The following ADGRG4 variants were observed in gnomAD, a reference collection of about 807,000 sequenced individuals.
The protein encoded by ADGRG4 is adhesion G protein-coupled receptor G4, also known as G protein-coupled receptor 112.
A neutral mutation model predicts 126.2 loss-of-function variants in ADGRG4; 122 were observed. That is an observed-to-expected ratio of 0.97 (90% CI 0.83 to 1.12). The LOEUF (loss-of-function observed/expected upper bound fraction) is 1.12. Among genes scored for constraint, ADGRG4 ranks in the 50% most tolerant of loss-of-function variants. The pLI is 0.00. For missense variants in ADGRG4, 2,481 were observed against 2,251.8 expected (o/e 1.10, Z -2.06); for synonymous variants, 943 against 838.7 (o/e 1.12, Z -2.15).
At position 136,399,914 on chromosome X, in the gene ADGRG4, C is replaced by T; in HGVS notation, c.8373C>T (p.Asn2791=). ...INLCTALLML[N]LVFLINSWLS... is the part of the protein sequence containing the mutation. ...TGTGCACAGCACTACTGATGCTAAA[C>T]CTGGTATTTTTGATCAATTCTTGGT... is the stretch of plus-strand genomic sequence containing the variant. Residue 2791 remains asparagine (N), a synonymous_variant, in exon 21 of 26, where the codon AAC becomes AAT. Transcript: ENST00000394143. 3.3e-6 allele frequency: 4 copies of T among 1,209,318 alleles called. No individual in the cohort carries two copies. The highest frequency in any genetic ancestry group is 4.5e-6 in the Non-Finnish European group (4 of 893,494).
intron 7 of ADGRG4, among the ~76,000 whole-genome samples, chrX:136,352,922 T>C (rs1171316173): frequency 2.7e-5 from 3 of 112,115 alleles, no homozygotes; most frequent in Non-Finnish European, 5.6e-5. Flanking sequence ...AGTTGGTTTC[T>C]GGTGAGGCCT....
Position 136,323,274 on chromosome X carries a change from C to T in ADGRG4, c.567C>T (p.Asp189=). The change falls in exon 5 of 26, where the codon GAC becomes GAT. Residue 189 remains aspartate (D), a synonymous_variant. Transcript: ENST00000394143. ...PGSLYYFQLW[D]HILENEEFMK... Reference sequence around the variant, plus strand: ...GCTTGTACTACTTTCAACTCTGGGACCACATCCTGGAAAACGAAGAGTTTA... The same window carrying T: ...GCTTGTACTACTTTCAACTCTGGGATCACATCCTGGAAAACGAAGAGTTTA... 1 of 1,208,874 alleles carries T rather than the reference C, an allele frequency of 8.3e-7. No individual in the cohort carries two copies. Among genetic ancestry groups the T allele is most frequent in the Non-Finnish European group, 1.1e-6 (1 of 894,813 alleles).
chrX:136,326,743 G>C (rs151127254), intron 5 of ADGRG4, among the ~76,000 whole-genome samples: 304 of 111,241 alleles, frequency 2.7e-3, no homozygotes, highest in African/African-American at 8.9e-3. Flanking sequence ...GAATAAATAT[G>C]AGTGATTACA....
chrX:136,404,795 C>A (rs2075396276), intron 22 of ADGRG4, among the ~76,000 whole-genome samples: 1 of 111,836 alleles, frequency 8.9e-6, no homozygotes, highest in African/African-American at 3.3e-5. Flanking sequence ...GTGTCAGAAT[C>A]TATTAGGAAA....
chrX:136,324,769 CACA>C (rs1380038988), intron 5 of ADGRG4, among the ~76,000 whole-genome samples: 1 of 112,033 alleles, frequency 8.9e-6, no homozygotes, highest in Non-Finnish European at 1.9e-5. Flanking sequence ...TACTCTCTGG[CACA>C]ACAAGATGTT....
intron 5 of ADGRG4, among the ~76,000 whole-genome samples, chrX:136,342,657 T>C (rs1422345860): frequency 9.1e-6 from 1 of 109,847 alleles, no homozygotes; most frequent in Non-Finnish European, 1.9e-5. Context: ...AAGTACATTC[T>C]AAGTAGAGGT....
intron 13 of ADGRG4, among the ~76,000 whole-genome samples, chrX:136,367,795 T>C (rs1280114492): frequency 1.8e-5 from 2 of 112,467 alleles, no homozygotes; most frequent in Non-Finnish European, 3.7e-5. Context: ...AAGCATTAGA[T>C]ATCTTGGTTG....
At chrX:136,362,649 T>G (rs1355453468) in intron 12 of ADGRG4, among the ~76,000 whole-genome samples, 1 of 111,422 alleles carries the variant, frequency 9.0e-6, no homozygotes, top group African/African-American at 3.3e-5. Flanking sequence ...TTTGCTGTTC[T>G]GGGCTCAATG....
intron 24 of ADGRG4, among the ~76,000 whole-genome samples, chrX:136,413,689 T>C (rs1482077076): frequency 9.0e-6 from 1 of 111,348 alleles, no homozygotes; most frequent in Non-Finnish European, 1.9e-5. Flanking sequence ...CTCCTTCAGG[T>C]ACCCGGAATG....
chrX:136,399,811 C>A (rs777131839), intron 20 of ADGRG4, 37 bp from the exon 21 acceptor site: 75 of 1,023,816 alleles, frequency 7.3e-5, no homozygotes, highest in African/African-American at 2.8e-4. Flanking sequence ...AAAAAAAAAA[C>A]AGACTTTACC....
Position 136,342,923 on chromosome X carries a change from A to T in ADGRG4, c.686-1469A>T, listed in dbSNP as rs200822756. Among the ~76,000 whole-genome samples, 514 of 93,623 alleles carry T rather than the reference A, an allele frequency of 5.5e-3. 2 individuals carry two copies. The highest frequency in any genetic ancestry group is 0.013 in the African/African-American group (311 of 23,877). 81.3% of individuals were successfully genotyped at this position (93,623 alleles called of 115,157 possible). A position where few individuals can be genotyped will look rare whatever the true frequency, so the allele number is the denominator to read the frequency against. The stretch of plus-strand genomic sequence containing the variant: ...GTGTGTGTGTGTGTGTGTGTGTGTG[A>T]GAGAGAGAGAGGAAGGGGATCAGAT... On this transcript the variant is annotated intron_variant, in intron 5 of 25. Transcript: ENST00000394143.
At chrX:136,385,976 T>C (rs902806276) in intron 15 of ADGRG4, among the ~76,000 whole-genome samples, 1 of 111,698 alleles carries the variant, frequency 9.0e-6, no homozygotes, top group African/African-American at 3.3e-5. Flanking sequence ...ATGGTTGCCC[T>C]GGCTTTTGTT....
At chrX:136,386,521 T>C (rs756641480) in intron 15 of ADGRG4, among the ~76,000 whole-genome samples, 1 of 112,124 alleles carries the variant, frequency 8.9e-6, no homozygotes, top group East Asian at 2.8e-4. Flanking sequence ...AGCTAGATAA[T>C]AGCAACTTGA....
At chrX:136,338,622 G>T (rs2074961725) in intron 5 of ADGRG4, among the ~76,000 whole-genome samples, 1 of 111,802 alleles carries the variant, frequency 8.9e-6, no homozygotes, top group African/African-American at 3.3e-5. Context: ...AAGATAATTT[G>T]TAATTGCTTG....
At position 136,346,478 on chromosome X, in the gene ADGRG4, C is replaced by T. The variant is rs2075018147; in HGVS notation, c.2772C>T (p.Tyr924=). The change falls in exon 6 of 26, where the codon TAC becomes TAT. Residue 924 remains tyrosine (Y), a synonymous_variant. Coordinates refer to ENST00000394143, the MANE Select transcript of ADGRG4 (RefSeq NM_153834.4). The part of the protein sequence containing the change: ...KLVKTTPRSS[Y]NEMTEMFNFN... ...TGAAAACCACACCTAGGAGTTCATACAATGAAATGACAGAAATGTTTAATT... is the reference window on the plus strand; with the variant it reads ...TGAAAACCACACCTAGGAGTTCATATAATGAAATGACAGAAATGTTTAATT... 8.3e-7 allele frequency: 1 copy of T among 1,210,584 alleles called. No homozygotes were observed. The highest frequency in any genetic ancestry group is 1.7e-5 in the African/African-American group (1 of 57,811).
At position 136,347,827 on chromosome X, in the gene ADGRG4, C is replaced by CT. The variant is rs748603011; in HGVS notation, c.4127dup (p.Leu1376PhefsTer4). 3 of 1,209,051 alleles carry CT rather than the reference C, an allele frequency of 2.5e-6. No homozygotes were observed. The highest frequency in any genetic ancestry group is 1.8e-5 in the South Asian group (1 of 56,802). On this transcript the variant is annotated frameshift_variant, in exon 6 of 26. Coordinates refer to ENST00000394143, the MANE Select transcript of ADGRG4 (RefSeq NM_153834.4). LOFTEE classifies it high-confidence loss of function. The stretch of plus-strand genomic sequence containing the variant: ...CCCTCACAAGCTCTGACAATCACCA[C>CT]TTTTTTGTGTCCTGAAAAGGAAAGC...
chrX:136,369,743 G>A (rs1419363750), intron 13 of ADGRG4, among the ~76,000 whole-genome samples: 1 of 112,259 alleles, frequency 8.9e-6, no homozygotes, highest in Non-Finnish European at 1.9e-5. Context: ...CCAGAAGATA[G>A]ATGTTAACTG....
Position 136,348,528 on chromosome X carries a change from T to C in ADGRG4, c.4822T>C (p.Leu1608=). 8.3e-7 allele frequency: 1 copy of C among 1,206,073 alleles called. No homozygotes were observed. The highest frequency in any genetic ancestry group is 1.8e-5 in the South Asian group (1 of 56,824). ...TACTATGACCATGCAAACATCTACATTGGATGTCACACCTGTGATATATGC... is the reference window on the plus strand; with the variant it reads ...TACTATGACCATGCAAACATCTACACTGGATGTCACACCTGTGATATATGC... ...RTTMTMQTST[L]DVTPVIYAGA... Residue 1608 remains leucine, a synonymous_variant, in exon 6 of 26, where the codon TTG becomes CTG. Coordinates refer to ENST00000394143, the MANE Select transcript of ADGRG4 (RefSeq NM_153834.4).
intron 16 of ADGRG4, among the ~76,000 whole-genome samples, chrX:136,389,910 A>G (rs904040059): frequency 1.8e-5 from 2 of 112,067 alleles, no homozygotes; most frequent in African/African-American, 6.5e-5. Flanking sequence ...GGGAAAGAGT[A>G]CTTACAAAAA....
Sources: gnomAD v4.1 joint callset for allele counts (sites outside exome capture counted in the v4.1 genomes callset) on GRCh38, gnomAD v4.1.1 for gene constraint, MANE v1.5 for transcripts, NCBI Gene and HGNC (gene_info 2026-07-23, HGNC 2026-07-21) for gene names.